The following ADAM12 variants were observed in gnomAD, a reference collection of about 807,000 sequenced individuals.
The protein encoded by ADAM12 is ADAM metallopeptidase domain 12.
In ADAM12, 70 loss-of-function variants were observed where a neutral mutation model predicts 106.4. That is an observed-to-expected ratio of 0.66 (90% CI 0.54 to 0.80). The LOEUF (loss-of-function observed/expected upper bound fraction) is 0.80, where lower values mean the gene tolerates loss of function less well. Ranked by LOEUF, ADAM12 falls within the 30% of genes least tolerant of loss-of-function variation. ADAM12 has a pLI of 0.00. For missense variants in ADAM12, 1,010 were observed against 1,171.9 expected (o/e 0.86, Z 2.02); for synonymous variants, 420 against 433.5 (o/e 0.97, Z 0.39).
intron 2 of ADAM12, among the ~76,000 whole-genome samples, chr10:126,283,700 A>G (rs770891565): frequency 3.9e-5 from 6 of 152,088 alleles, no homozygotes; most frequent in Non-Finnish European, 8.8e-5. Flanking sequence ...TTATTTCTAC[A>G]TTCTGGAAGC....
At chr10:126,255,089 C>A (rs1452366638) in intron 3 of ADAM12, among the ~76,000 whole-genome samples, 1 of 152,166 alleles carries the variant, frequency 6.6e-6, no homozygotes, top group Non-Finnish European at 1.5e-5. Context: ...TTGGGGCATT[C>A]CTGTCGTGAG....
intron 6 of ADAM12, among the ~76,000 whole-genome samples, chr10:126,116,811 GAC>G (rs1407357753): frequency 2.0e-5 from 3 of 152,198 alleles, no homozygotes; most frequent in Non-Finnish European, 4.4e-5. Context: ...TAGGGGAACA[GAC>G]ATCTATCCAC....
Position 126,135,667 on chromosome 10 carries a change from G to C in ADAM12, c.340-7C>G. 1 of 1,612,172 alleles carries C rather than the reference G, an allele frequency of 6.2e-7. No individual in the cohort carries two copies. Among genetic ancestry groups the C allele is most frequent in the African/African-American group, 1.3e-5 (1 of 74,980 alleles). On this transcript the variant is annotated splice_polypyrimidine_tract_variant and splice_region_variant and intron_variant, in intron 4 of 22. Coordinates refer to ENST00000448723, the MANE Select transcript of ADAM12 (RefSeq NM_001288973.2). ...CATGGTAGTAACAGTGACCCTAAAG[G>C]GGAGGAGGAGAGAATCCCATTTCAG...
chr10:126,346,506 G>T (rs1855145513), intron 1 of ADAM12, among the ~76,000 whole-genome samples: 1 of 152,184 alleles, frequency 6.6e-6, no homozygotes, highest in Admixed American at 6.5e-5. Flanking sequence ...CTGTTGGTTT[G>T]GGGTGGAGAG....
chr10:126,102,242 G>A (rs1346837438), intron 8 of ADAM12, among the ~76,000 whole-genome samples: 2 of 152,150 alleles, frequency 1.3e-5, no homozygotes, highest in African/African-American at 2.4e-5. Flanking sequence ...AGGACATGGT[G>A]TCACCTGGTG....
rs1565029249 is a variant in ADAM12 at position 126,066,783 on chromosome 10, A to T, written c.1347T>A (p.Asn449Lys). ...EPEECMNRCC[N>K]ATTCTLKPDA... ...CCGGCTTCAGGGTACAGGTGGTGGCATTGCAGCAGCGATTCATACATTCCT... is the reference window on the plus strand; with the variant it reads ...CCGGCTTCAGGGTACAGGTGGTGGCTTTGCAGCAGCGATTCATACATTCCT... The change falls in exon 13 of 23, where the codon AAT (asparagine) becomes AAA (lysine). Residue 449 changes from asparagine to lysine, a missense_variant. Physicochemically the swap from Asn to Lys is moderately conservative, Grantham distance 94. This residue lies in a region of ADAM12 where 615 missense variants were observed against 708.5 expected (regional missense o/e 0.87). Transcript: ENST00000448723. The surrounding 1 kb of genome is among the most constrained non-coding windows in gnomAD (Gnocchi z 5.1). 2 of 1,614,206 alleles carry T rather than the reference A, an allele frequency of 1.2e-6. No homozygotes were observed. The highest frequency in any genetic ancestry group is 1.7e-5 in the Admixed American group (1 of 60,032).
chr10:126,064,332 T>A lies in ADAM12; in HGVS notation c.1609+474A>T, dbSNP rs1455727458. Among the ~76,000 whole-genome samples, 1 of 152,206 alleles carries A rather than the reference T, an allele frequency of 6.6e-6. No homozygotes were observed. Among genetic ancestry groups the A allele is most frequent in the South Asian group, 2.1e-4 (1 of 4,828 alleles). On this transcript the variant is annotated intron_variant, in intron 14 of 22. Transcript: ENST00000448723. This position sits in a 1 kb window ranked among gnomAD's most constrained non-coding sequence, Gnocchi z 4.4. ...GGCCCCTCACTTGGTTGGGGTCCTC[T>A]TATGAGTACAAAGGGGCATTACTAA... is the stretch of plus-strand genomic sequence containing the variant.
intron 21 of ADAM12, among the ~76,000 whole-genome samples, chr10:126,025,491 A>AAAG (rs1209589486): frequency 1.3e-5 from 2 of 152,226 alleles, no homozygotes; most frequent in African/African-American, 4.8e-5. Flanking sequence ...AATAGAGAAA[A>AAAG]AAGAATGAAA....
chr10:126,033,569 A>G (rs1954007008), intron 21 of ADAM12, among the ~76,000 whole-genome samples: 1 of 152,174 alleles, frequency 6.6e-6, no homozygotes, highest in South Asian at 2.1e-4. Context: ...AAAAGACTAG[A>G]GAAAGAGCAG....
At chr10:126,234,157 G>A (rs897825596) in intron 3 of ADAM12, among the ~76,000 whole-genome samples, 2 of 152,132 alleles carry the variant, frequency 1.3e-5, no homozygotes, top group South Asian at 2.1e-4. Flanking sequence ...GGAGGAGTTC[G>A]AGCATGTCAA....
chr10:126,344,929 A>G (rs1445192491), intron 1 of ADAM12, among the ~76,000 whole-genome samples: 1 of 152,198 alleles, frequency 6.6e-6, no homozygotes, highest in Non-Finnish European at 1.5e-5. Context: ...TGGGGCTGAG[A>G]CGATGGGGTT....
At position 126,126,233 on chromosome 10, in the gene ADAM12, G is replaced by A. The variant is rs146830039; in HGVS notation, c.417-8009C>T. Among the ~76,000 whole-genome samples, 19 of 152,142 alleles carry A rather than the reference G, an allele frequency of 1.2e-4. 1 individual carries two copies. The highest frequency in any genetic ancestry group is 2.4e-4 in the Non-Finnish European group (16 of 68,028). On this transcript the variant is annotated intron_variant, in intron 5 of 22. Coordinates refer to ENST00000448723, the MANE Select transcript of ADAM12 (RefSeq NM_001288973.2). ...TGGTTAGCCTCCTCTTCAGGGTCAC[G>A]CACAGCACTAATGCTGGGGATGACC...
At chr10:126,096,623 C>T (rs998291035) in intron 10 of ADAM12, among the ~76,000 whole-genome samples, 6 of 152,304 alleles carry the variant, frequency 3.9e-5, no homozygotes, top group African/African-American at 1.4e-4. Flanking sequence ...ACGGGATGCC[C>T]GTGAATGTAA....
chr10:126,386,270 C>T (rs1856656702), intron 1 of ADAM12, among the ~76,000 whole-genome samples: 1 of 152,176 alleles, frequency 6.6e-6, no homozygotes, highest in Admixed American at 6.5e-5. Context: ...AAGTAGGCAA[C>T]TGTGCCAGGG....
intron 11 of ADAM12, among the ~76,000 whole-genome samples, chr10:126,090,137 A>G (rs1955434594): frequency 1.3e-5 from 2 of 152,058 alleles, no homozygotes; most frequent in South Asian, 2.1e-4. Context: ...TTTCACCACT[A>G]GAACACCAGT....
At chr10:126,327,522 C>G (rs549189319) in intron 2 of ADAM12, among the ~76,000 whole-genome samples, 1 of 152,018 alleles carries the variant, frequency 6.6e-6, no homozygotes, top group African/African-American at 2.4e-5. Flanking sequence ...TTGGGGAGAT[C>G]GAGACAGGAG....
At position 126,043,085 on chromosome 10, in the gene ADAM12, A is replaced by T. The variant is rs2133417020; in HGVS notation, c.2059T>A (p.Phe687Ile). 6.2e-7 allele frequency: 1 copy of T among 1,614,162 alleles called. No individual in the cohort carries two copies. Among genetic ancestry groups the T allele is most frequent in the East Asian group, 2.2e-5 (1 of 44,876 alleles). The change falls in exon 18 of 23, where the codon TTT becomes ATT. Residue 687 changes from phenylalanine (F) to isoleucine (I), a missense_variant. Physicochemically the swap from Phe to Ile is conservative, Grantham distance 21. This residue lies in a region of ADAM12 where 615 missense variants were observed against 708.5 expected (regional missense o/e 0.87). Transcript: ENST00000448723. The surrounding 1 kb of genome is among the most constrained non-coding windows in gnomAD (Gnocchi z 4.1). ...CTGTCTGTGCTTCCTCCAAAGCCAA[A>T]CTTGTCACAGAAGGGAGGTGCCCAG... ...AHWAPPFCDK[F>I]GFGGSTDSGP...
intron 1 of ADAM12, among the ~76,000 whole-genome samples, chr10:126,356,944 A>G (rs1855561109): frequency 6.6e-6 from 1 of 152,230 alleles, no homozygotes; most frequent in Admixed American, 6.5e-5. Context: ...AGAAAAATGA[A>G]GGAAGCCAAT....
intron 14 of ADAM12, among the ~76,000 whole-genome samples, chr10:126,055,317 G>A (rs1159491315): frequency 6.6e-6 from 1 of 152,168 alleles, no homozygotes; most frequent in East Asian, 1.9e-4. Context: ...AAAGACCCTT[G>A]AGTCTGACTT....
Sources: allele counts gnomAD v4.1 joint callset (sites outside exome capture counted in the v4.1 genomes callset), GRCh38; gene constraint gnomAD v4.1.1; regional missense constraint gnomAD v4.1.1; non-coding constraint Gnocchi (gnomAD v3.1); transcripts MANE v1.5; gene names NCBI Gene and HGNC (gene_info 2026-07-23, HGNC 2026-07-21).